Variants in AGAP1 observed in about 807,000 individuals in gnomAD.
AGAP1 encodes the protein ArfGAP with GTPase domain, ankyrin repeat and PH domain 1.
AGAP1 carries 29 observed loss-of-function variants against 105.3 expected under a neutral mutation model. The ratio of observed to expected loss-of-function variants is 0.28; its 90% CI spans 0.21 to 0.38. AGAP1 has a LOEUF of 0.38. Among genes scored for constraint, AGAP1 ranks in the 10% least tolerant of loss-of-function variants. AGAP1 has a pLI of 1.00. For synonymous variants in AGAP1, 509 were observed against 485.9 expected, an observed-to-expected ratio of 1.05 and a Z score of -0.63; for missense variants, 998 against 1,165.1, an observed-to-expected ratio of 0.86 and a Z score of 2.09.
At chr2:235,628,486 A>T (rs1946714612) in intron 1 of AGAP1, among the ~76,000 whole-genome samples, 1 of 152,136 alleles carries the variant, frequency 6.6e-6, no homozygotes, top group Non-Finnish European at 1.5e-5. Context: ...GAAGCCTGGG[A>T]GTGAGCTCCA....
rs751674397 is a variant in AGAP1, at chr2:235,842,401, G to A, written c.1050+35070G>A. On this transcript the variant is annotated intron_variant, in intron 9 of 17. Transcript: ENST00000304032. This position sits in a 1 kb window ranked among gnomAD's most constrained non-coding sequence, Gnocchi z 5.3. ...ACAGACATGTTCACAGCGCATTGCC[G>A]TTGTCCCAGATAATTGAATAGGTTG... Among the ~76,000 whole-genome samples the A allele has an allele frequency of 3.9e-5, 6 of 152,146 alleles. No individual in the cohort carries two copies. Among genetic ancestry groups the A allele is most frequent in the African/African-American group, 7.2e-5 (3 of 41,420 alleles).
chr2:235,931,113 C>A lies in AGAP1; in HGVS notation c.1483+190C>A, dbSNP rs2052701310. ...TTTTGTCCTTGCTAGGCTGTCTTGC[C>A]CCTGTCATCTCATCTGTTCCTCTTT... On this transcript the variant is annotated intron_variant, in intron 12 of 17. Transcript: ENST00000304032. The surrounding 1 kb of genome is among the most constrained non-coding windows in gnomAD (Gnocchi z 5.6). Among the ~76,000 whole-genome samples, 1 of 152,148 alleles carries A rather than the reference C, an allele frequency of 6.6e-6. No homozygotes were observed.
chr2:235,678,253 C>G (rs1948865228), intron 1 of AGAP1, among the ~76,000 whole-genome samples: 1 of 152,164 alleles, frequency 6.6e-6, no homozygotes, highest in African/African-American at 2.4e-5. Flanking sequence ...TGTCTATTCT[C>G]TCCTGATCTG....
chr2:235,545,523 G>C (rs968770879), intron 1 of AGAP1, among the ~76,000 whole-genome samples: 2 of 152,182 alleles, frequency 1.3e-5, no homozygotes, highest in African/African-American at 4.8e-5. Flanking sequence ...TTCTGCTTTA[G>C]CACATTGTTA....
At chr2:235,757,866 C>T (rs759662865) in intron 6 of AGAP1, among the ~76,000 whole-genome samples, 7 of 152,108 alleles carry the variant, frequency 4.6e-5, no homozygotes, top group Non-Finnish European at 5.9e-5. Flanking sequence ...TTAATGAGTC[C>T]GTTTGTGCAA....
chr2:235,607,191 C>CG (rs1032776219), intron 1 of AGAP1, among the ~76,000 whole-genome samples: 1 of 151,952 alleles, frequency 6.6e-6, no homozygotes, highest in African/African-American at 2.4e-5. Flanking sequence ...CCAGAGCCCC[C>CG]CCTTCCCTGC....
rs2049490770 is a variant in AGAP1 at position 235,872,428 on chromosome 2, G to A, written c.1051-10917G>A. On this transcript the variant is annotated intron_variant, in intron 9 of 17. Transcript: ENST00000304032. This position sits in a 1 kb window ranked among gnomAD's most constrained non-coding sequence, Gnocchi z 4.5. ...TCTGAAAGATGGACAAAGTATGCATGGTGACATGCCACCATGCCGCTGGCC... is the reference window on the plus strand; with the variant it reads ...TCTGAAAGATGGACAAAGTATGCATAGTGACATGCCACCATGCCGCTGGCC... 6.6e-6 allele frequency among the ~76,000 whole-genome samples: 1 copy of A among 152,102 alleles called. No individual in the cohort carries two copies. Among genetic ancestry groups the A allele is most frequent in the African/African-American group, 2.4e-5 (1 of 41,420 alleles).
In AGAP1 at chr2:235,953,181, CAAG is replaced by C. The variant is rs1229939239; in HGVS notation, c.1484-15277_1484-15275del. On this transcript the variant is annotated intron_variant, in intron 12 of 17. Coordinates refer to ENST00000304032, the MANE Select transcript of AGAP1 (RefSeq NM_001037131.3). The surrounding 1 kb of genome is among the most constrained non-coding windows in gnomAD (Gnocchi z 5.2). ...GAGAGAGTCTTGAAATCACCTGGAA[CAAG>C]AAGTTTTTCAAATATTTTAGGTGTT... 2.0e-5 allele frequency among the ~76,000 whole-genome samples: 3 copies of C among 152,144 alleles called. No individual in the cohort carries two copies. The highest frequency in any genetic ancestry group is 4.4e-5 in the Non-Finnish European group (3 of 68,030).
chr2:236,040,979 T>A lies in AGAP1; in HGVS notation c.1891+138T>A. The A allele has an allele frequency of 8.7e-6, 7 of 804,678 alleles. No individual in the cohort carries two copies. Among genetic ancestry groups the A allele is most frequent in the Non-Finnish European group, 1.2e-5 (6 of 505,538 alleles). 49.8% of individuals were successfully genotyped at this position (804,678 alleles called of 1,614,324 possible). On this transcript the variant is annotated intron_variant, in intron 15 of 17. Coordinates refer to ENST00000304032, the MANE Select transcript of AGAP1 (RefSeq NM_001037131.3). This position sits in a 1 kb window ranked among gnomAD's most constrained non-coding sequence, Gnocchi z 5.6. Reference sequence around the variant, plus strand: ...TAACTGCTTTTAGGAAATTGAGATATTTTGTTTGGATTTTACCTTAACAGA... The same window carrying A: ...TAACTGCTTTTAGGAAATTGAGATAATTTGTTTGGATTTTACCTTAACAGA...
chr2:235,616,953 A>T (rs1358017420), intron 1 of AGAP1, among the ~76,000 whole-genome samples: 5 of 150,838 alleles, frequency 3.3e-5, no homozygotes, highest in Admixed American at 2.0e-4. Context: ...GCATCTTTAA[A>T]TTTTTTTTAT....
chr2:235,894,613 T>A (rs112914815), intron 10 of AGAP1, among the ~76,000 whole-genome samples: 2 of 92,910 alleles, frequency 2.2e-5, no homozygotes, highest in Non-Finnish European at 4.3e-5. Context: ...ACACACACAC[T>A]TAAACATACA....
intron 6 of AGAP1, among the ~76,000 whole-genome samples, chr2:235,761,558 A>C (rs1164358921): frequency 6.6e-6 from 1 of 152,224 alleles, no homozygotes; most frequent in Non-Finnish European, 1.5e-5. Flanking sequence ...AATTAGCGTG[A>C]TGTATCATTA....
chr2:235,909,978 G>A (rs866591671), intron 11 of AGAP1, among the ~76,000 whole-genome samples: 87 of 151,834 alleles, frequency 5.7e-4, no homozygotes, highest in Middle Eastern at 3.4e-3. Flanking sequence ...CCATGATTGC[G>A]CCACTGCACT....
intron 1 of AGAP1, among the ~76,000 whole-genome samples, chr2:235,686,663 A>ATTTTTT (rs1203340603): frequency 1.2e-4 from 7 of 59,750 alleles, no homozygotes; most frequent in East Asian, 4.7e-4. Context: ...ATATATATAT[A>ATTTTTT]TATTTTTTTT....
At chr2:236,081,781 G>GA (rs1056063206) in intron 16 of AGAP1, among the ~76,000 whole-genome samples, 4 of 150,202 alleles carry the variant, frequency 2.7e-5, no homozygotes, top group East Asian at 2.0e-4. Flanking sequence ...TTACAAAGAA[G>GA]AAAAAATGTC....
At chr2:235,547,359 T>C (rs938436345) in intron 1 of AGAP1, among the ~76,000 whole-genome samples, 2 of 150,208 alleles carry the variant, frequency 1.3e-5, no homozygotes, top group African/African-American at 4.9e-5. Flanking sequence ...ACATTGACTT[T>C]TTTTTTTTTT....
chr2:236,036,602 G>A lies in AGAP1; in HGVS notation c.1687G>A (p.Gly563Ser), dbSNP rs1232006042. The A allele has an allele frequency of 3.1e-6, 5 of 1,614,092 alleles. No homozygotes were observed. Among genetic ancestry groups the A allele is most frequent in the South Asian group, 1.1e-5 (1 of 91,092 alleles). ...TGAGTTTATCATTGTGTCCCTCACT[G>A]GCCAAACATGGCACTTTGAAGCCAC... ...NFEFIIVSLTGQTWHFEATTY... is the reference protein window; with the variant it reads ...NFEFIIVSLTSQTWHFEATTY... The change falls in exon 14 of 18, where the codon GGC (glycine) becomes AGC (serine). Residue 563 changes from glycine to serine, a missense_variant. Physicochemically the swap from Gly to Ser is moderately conservative, Grantham distance 56. Coordinates refer to ENST00000304032, the MANE Select transcript of AGAP1 (RefSeq NM_001037131.3). This position sits in a 1 kb window ranked among gnomAD's most constrained non-coding sequence, Gnocchi z 5.7.
At chr2:235,676,672 G>A (rs1233296237) in intron 1 of AGAP1, among the ~76,000 whole-genome samples, 1 of 152,136 alleles carries the variant, frequency 6.6e-6, no homozygotes, top group Non-Finnish European at 1.5e-5. Context: ...ATGAGCTTTG[G>A]TGTTTTTGTT....
chr2:235,797,812 T>C lies in AGAP1; in HGVS notation c.727T>C (p.Cys243Arg). The C allele has an allele frequency of 6.2e-7, 1 of 1,614,226 alleles. No individual in the cohort carries two copies. The highest frequency in any genetic ancestry group is 8.5e-7 in the Non-Finnish European group (1 of 1,180,044). Reference protein sequence around the residue: ...RKKQQLSIGPCKSLPNSPSHS... With the variant: ...RKKQQLSIGPRKSLPNSPSHS... ...GAAGCAGCAGCTGTCCATAGGACCC[T>C]GCAAGTCGCTACCTAATTCTCCCAG... is the stretch of plus-strand genomic sequence containing the variant. Residue 243 changes from cysteine (C) to arginine (R), a missense_variant, in exon 7 of 18, where the codon TGC becomes CGC. Physicochemically the swap from Cys to Arg is radical, Grantham distance 180. Around this residue, in one of 3 missense-constraint regions of AGAP1, gnomAD observed 735 missense variants for 833.4 expected, o/e 0.88. Transcript: ENST00000304032.
Sources: allele counts gnomAD v4.1 joint callset (sites outside exome capture counted in the v4.1 genomes callset), GRCh38; gene constraint gnomAD v4.1.1; regional missense constraint gnomAD v4.1.1; non-coding constraint Gnocchi (gnomAD v3.1); transcripts MANE v1.5; gene names NCBI Gene and HGNC (gene_info 2026-07-23, HGNC 2026-07-21).